SPMIP7: variants seen among roughly 807,000 people sequenced by gnomAD.
SPMIP7 encodes the protein protein SPMIP7.
the SPMIP7 span, among the ~76,000 whole-genome samples, chr7:50,123,697 T>A: frequency 6.6e-6 from 1 of 151,498 alleles, no homozygotes. Context: ...TCTAGAGGAG[T>A]CACTAAAACG....
chr7:50,146,144 C>T, the SPMIP7 span, among the ~76,000 whole-genome samples: 2 of 152,110 alleles, frequency 1.3e-5, no homozygotes, highest in Non-Finnish European at 2.9e-5. Context: ...AATACTTCTG[C>T]CTTTTCAGAC....
At chr7:50,148,426 C>T in the SPMIP7 span, among the ~76,000 whole-genome samples, 2 of 152,204 alleles carry the variant, frequency 1.3e-5, no homozygotes, top group African/African-American at 4.8e-5. Context: ...TGACAGATGG[C>T]CTGCGTCCAT....
At chr7:50,121,654 T>C in the SPMIP7 span, among the ~76,000 whole-genome samples, 253 of 152,230 alleles carry the variant, frequency 1.7e-3, no homozygotes, top group African/African-American at 5.8e-3. Flanking sequence ...GGTTCTTTTT[T>C]TTTTCTTTTC....
At chr7:50,148,738 G>A in the SPMIP7 span, among the ~76,000 whole-genome samples, 1 of 152,226 alleles carries the variant, frequency 6.6e-6, no homozygotes, top group African/African-American at 2.4e-5. Flanking sequence ...CCTCCAGCAA[G>A]CTTGACAATG....
chr7:50,150,667 T>C, the SPMIP7 span, among the ~76,000 whole-genome samples: 5 of 152,252 alleles, frequency 3.3e-5, no homozygotes, highest in South Asian at 2.1e-4. Context: ...ACTTGTGTGC[T>C]ATCATGGCAA....
chr7:50,117,248 C>G, the SPMIP7 span: 1 of 456,086 alleles, frequency 2.2e-6, no homozygotes, highest in Non-Finnish European at 4.4e-6. Flanking sequence ...ATTAGGAGTA[C>G]TTACCCAAAA....
chr7:50,133,235 TTGTGTG>T, the SPMIP7 span, among the ~76,000 whole-genome samples: 3 of 150,406 alleles, frequency 2.0e-5, no homozygotes, highest in East Asian at 2.0e-4. Flanking sequence ...GTGTGTGTGT[TTGTGTG>T]TGTGTGTGTG....
chr7:50,129,261 A>T, the SPMIP7 span, among the ~76,000 whole-genome samples: 8 of 152,034 alleles, frequency 5.3e-5, no homozygotes, highest in African/African-American at 1.7e-4. Flanking sequence ...AATATCATTG[A>T]AAATTGAAAT....
chr7:50,145,971 G>C, the SPMIP7 span, among the ~76,000 whole-genome samples: 1 of 152,048 alleles, frequency 6.6e-6, no homozygotes, highest in East Asian at 1.9e-4. Flanking sequence ...TGCAAATAAA[G>C]AGGAATTGTC....
the SPMIP7 span, among the ~76,000 whole-genome samples, chr7:50,148,917 C>T: frequency 4.6e-5 from 7 of 152,098 alleles, no homozygotes; most frequent in South Asian, 2.1e-4. Flanking sequence ...GAGGCCGAGG[C>T]GGGTGGATCA....
the SPMIP7 span, among the ~76,000 whole-genome samples, chr7:50,118,015 T>A: frequency 3.9e-5 from 6 of 152,282 alleles, no homozygotes; most frequent in East Asian, 7.7e-4. Context: ...TCAAAGGAAT[T>A]CCCTGGCAGA....
the SPMIP7 span, among the ~76,000 whole-genome samples, chr7:50,121,063 T>A: frequency 3.9e-5 from 6 of 152,174 alleles, no homozygotes; most frequent in African/African-American, 1.2e-4. Context: ...TGCTCATACG[T>A]AGCCATCCTT....
At chr7:50,156,128 C>T in the SPMIP7 span, among the ~76,000 whole-genome samples, 3 of 152,208 alleles carry the variant, frequency 2.0e-5, no homozygotes, top group African/African-American at 7.2e-5. Context: ...TAAAAACTCA[C>T]TGTGCTTTCA....
the SPMIP7 span, among the ~76,000 whole-genome samples, chr7:50,149,569 G>A: frequency 6.6e-6 from 1 of 152,158 alleles, no homozygotes; most frequent in Non-Finnish European, 1.5e-5. Context: ...CGATGCAGTG[G>A]GCTGCCCCCA....
At chr7:50,148,045 C>T in the SPMIP7 span, among the ~76,000 whole-genome samples, 3 of 152,152 alleles carry the variant, frequency 2.0e-5, no homozygotes, top group Non-Finnish European at 4.4e-5. Context: ...AATAATATCT[C>T]CTATCAGCAG....
chr7:50,123,946 T>C, the SPMIP7 span, among the ~76,000 whole-genome samples: 1 of 152,080 alleles, frequency 6.6e-6, no homozygotes, highest in Admixed American at 6.6e-5. Flanking sequence ...GCAGACATTG[T>C]CAGAATAGAT....
chr7:50,104,462 AT>A, the SPMIP7 span: 1 of 539,938 alleles, frequency 1.9e-6, no homozygotes, highest in South Asian at 4.2e-5. Flanking sequence ...ATTTCATTGT[AT>A]TATATATATA....
At chr7:50,108,511 AG>A in the SPMIP7 span, among the ~76,000 whole-genome samples, 1 of 152,180 alleles carries the variant, frequency 6.6e-6, no homozygotes, top group Non-Finnish European at 1.5e-5. Flanking sequence ...ATAGTCAACA[AG>A]CATGTCAACT....
the SPMIP7 span, chr7:50,159,254 C>T: frequency 7.0e-7 from 1 of 1,435,006 alleles, no homozygotes; most frequent in Non-Finnish European, 9.4e-7. Context: ...CTTCTCCGCG[C>T]TGCGCAGTGT....
Sources: gnomAD v4.1 joint callset for allele counts (sites outside exome capture counted in the v4.1 genomes callset) on GRCh38, gnomAD v4.1.1 for gene constraint, MANE v1.5 for transcripts, NCBI Gene and HGNC (gene_info 2026-07-23, HGNC 2026-07-21) for gene names.